The following PPFIA2 variants were observed in gnomAD, a reference collection of about 807,000 sequenced individuals.
PPFIA2 encodes PPFI scaffold protein A2.
PPFIA2 carries 46 observed loss-of-function variants against 175.5 expected under a neutral mutation model. The observed-to-expected ratio is 0.26, with a 90% CI of 0.21 to 0.34. The LOEUF (loss-of-function observed/expected upper bound fraction) is 0.34. Ranked by LOEUF, PPFIA2 falls within the 10% of genes least tolerant of loss-of-function variation. The pLI, the probability that PPFIA2 is intolerant of heterozygous loss-of-function variation, is 1.00. For synonymous variants in PPFIA2, 568 were observed against 511.4 expected, an observed-to-expected ratio of 1.11 and a Z score of -1.49; for missense variants, 1,179 against 1,506.1, an observed-to-expected ratio of 0.78 and a Z score of 3.60.
intron 4 of PPFIA2, among the ~76,000 whole-genome samples, chr12:81,509,739 T>C (rs556016009): frequency 1.3e-5 from 2 of 152,174 alleles, no homozygotes; most frequent in South Asian, 4.1e-4. Context: ...CTAGAACAGG[T>C]TGGAATTCTG....
In PPFIA2 at chr12:81,536,683, A is replaced by G. The variant is rs2065431391; in HGVS notation, c.304-78817T>C. 2.1e-5 allele frequency among the ~76,000 whole-genome samples: 3 copies of G among 145,852 alleles called. No individual in the cohort carries two copies. The Admixed American group carries it at 2.1e-4, about 10-fold the overall frequency. The stretch of plus-strand genomic sequence containing the variant: ...GTTTATTGCAGATTATTCAATTAAT[A>G]TATACATGCTATATATATATAGCAT... On this transcript the variant is annotated intron_variant, in intron 4 of 32. Transcript: ENST00000549396.
chr12:81,680,258 A>G (rs2073364294), intron 3 of PPFIA2, among the ~76,000 whole-genome samples: 2 of 152,122 alleles, frequency 1.3e-5, no homozygotes, highest in South Asian at 4.1e-4. Context: ...AATAGCTACT[A>G]CTCAGTGAAC....
chr12:81,606,667 G>GT (rs1163388059), intron 4 of PPFIA2, among the ~76,000 whole-genome samples: 1 of 151,852 alleles, frequency 6.6e-6, no homozygotes, highest in Admixed American at 6.6e-5. Flanking sequence ...GAGGTTATTT[G>GT]TTTTTTGCTT....
Position 81,259,395 on chromosome 12 carries a change from A to G in PPFIA2, c.*299T>C, listed in dbSNP as rs1182947090. On this transcript the variant is annotated 3_prime_UTR_variant, in exon 33 of 33. Coordinates refer to ENST00000549396, the MANE Select transcript of PPFIA2 (RefSeq NM_003625.5). ...TATATTACAATAAAACATGAAAAACAACTGGCTTCATTTCATAAAAGCATC... is the reference window on the plus strand; with the variant it reads ...TATATTACAATAAAACATGAAAAACGACTGGCTTCATTTCATAAAAGCATC... The G allele has an allele frequency of 3.1e-6, 2 of 640,274 alleles. No homozygotes were observed. Among genetic ancestry groups the G allele is most frequent in the African/African-American group, 1.8e-5 (1 of 55,142 alleles). The allele number at this position is 640,274 out of a possible 1,614,324, so 39.7% of individuals were successfully genotyped here.
intron 4 of PPFIA2, among the ~76,000 whole-genome samples, chr12:81,593,752 A>G (rs934463726): frequency 6.6e-6 from 1 of 152,224 alleles, no homozygotes; most frequent in Non-Finnish European, 1.5e-5. Context: ...GAAGAGGCAA[A>G]GACAATCACA....
At chr12:81,665,978 G>T in intron 4 of PPFIA2, among the ~76,000 whole-genome samples, 1 of 152,126 alleles carries the variant, frequency 6.6e-6, no homozygotes, top group East Asian at 1.9e-4. Flanking sequence ...CTCAAAAGAA[G>T]ACATTTATGC....
intron 4 of PPFIA2, among the ~76,000 whole-genome samples, chr12:81,529,678 A>AT (rs1454781371): frequency 2.6e-5 from 4 of 151,790 alleles, no homozygotes; most frequent in Non-Finnish European, 5.9e-5. Flanking sequence ...AAAAATTGTA[A>AT]TTTTTCAATG....
At chr12:81,702,320 T>C (rs985388203) in intron 3 of PPFIA2, among the ~76,000 whole-genome samples, 1 of 152,138 alleles carries the variant, frequency 6.6e-6, no homozygotes, top group Non-Finnish European at 1.5e-5. Context: ...CCAGTTACTA[T>C]AAATTTTTCT....
intron 7 of PPFIA2, among the ~76,000 whole-genome samples, chr12:81,437,159 T>C (rs1353665524): frequency 6.6e-6 from 1 of 152,220 alleles, no homozygotes; most frequent in Non-Finnish European, 1.5e-5. Context: ...CCTCCACTTT[T>C]GTTCTCAAGG....
intron 5 of PPFIA2, among the ~76,000 whole-genome samples, chr12:81,454,424 A>G (rs1168917765): frequency 1.3e-5 from 2 of 152,114 alleles, no homozygotes; most frequent in African/African-American, 4.8e-5. Context: ...GTTACTTACT[A>G]CCTTAGTTTT....
chr12:81,383,904 T>C (rs2038340150), intron 9 of PPFIA2, 119 bp downstream of exon 9: 2 of 766,384 alleles, frequency 2.6e-6, no homozygotes, highest in Non-Finnish European at 4.2e-6. Context: ...ATATAATGCA[T>C]GCCAAAGTAT....
intron 4 of PPFIA2, among the ~76,000 whole-genome samples, chr12:81,579,591 T>A (rs1007527415): frequency 6.6e-6 from 1 of 151,836 alleles, no homozygotes; most frequent in African/African-American, 2.4e-5. Context: ...AAAAAGTAGT[T>A]TGGTATCCTC....
At chr12:81,282,947 T>C in intron 26 of PPFIA2, 63 bp downstream of exon 26, 1 of 1,433,208 alleles carries the variant, frequency 7.0e-7, no homozygotes, top group Non-Finnish European at 9.8e-7. Context: ...GACAGTTTCT[T>C]GATTTATATT....
chr12:81,442,559 C>A (rs1295429822), intron 6 of PPFIA2, among the ~76,000 whole-genome samples: 1 of 151,594 alleles, frequency 6.6e-6, no homozygotes, highest in African/African-American at 2.4e-5. Context: ...AATTGAAAAA[C>A]ACAAGTATAT....
intron 4 of PPFIA2, among the ~76,000 whole-genome samples, chr12:81,516,423 C>A (rs986135720): frequency 3.3e-5 from 5 of 152,034 alleles, no homozygotes; most frequent in African/African-American, 1.2e-4. Context: ...GAGTTGTGTC[C>A]TCTGCCAAAT....
At chr12:81,716,083 G>A (rs1416095434) in intron 3 of PPFIA2, among the ~76,000 whole-genome samples, 1 of 151,378 alleles carries the variant, frequency 6.6e-6, no homozygotes, top group African/African-American at 2.4e-5. Context: ...TAATAGGTAA[G>A]ATCATAACTA....
intron 4 of PPFIA2, among the ~76,000 whole-genome samples, chr12:81,522,818 A>G (rs1004171409): frequency 5.9e-5 from 9 of 152,204 alleles, no homozygotes; most frequent in Admixed American, 2.0e-4. Flanking sequence ...TCACTGTCCT[A>G]TGATCCTCAC....
intron 4 of PPFIA2, among the ~76,000 whole-genome samples, chr12:81,499,574 C>A (rs2060380636): frequency 6.6e-6 from 1 of 152,062 alleles, no homozygotes; most frequent in Non-Finnish European, 1.5e-5. Context: ...TTGTACTGTG[C>A]TAAACACTTT....
In PPFIA2 at chr12:81,452,998, A is replaced by T. The variant is rs537542765; in HGVS notation, c.405+4767T>A. Among the ~76,000 whole-genome samples the T allele has an allele frequency of 3.4e-4, 52 of 151,094 alleles. No homozygotes were observed. In the East Asian group the frequency reaches 6.4e-3, roughly 19 times the overall value. ...ACCATAACGTTTTTCTTTTTTTTTA[A>T]TTTTTTTTTATTATACTTTAAGTTT... On this transcript the variant is annotated intron_variant, in intron 5 of 32. Coordinates refer to ENST00000549396, the MANE Select transcript of PPFIA2 (RefSeq NM_003625.5).
Sources: allele counts gnomAD v4.1 joint callset (sites outside exome capture counted in the v4.1 genomes callset), GRCh38; gene constraint gnomAD v4.1.1; transcripts MANE v1.5; gene names NCBI Gene and HGNC (gene_info 2026-07-23, HGNC 2026-07-21).